TXNDC15: variants seen among roughly 807,000 people sequenced by gnomAD.
TXNDC15 encodes thioredoxin domain-containing protein 15.
Under a neutral mutation model 35.0 loss-of-function variants are expected in TXNDC15, and 24 were observed. The ratio of observed to expected loss-of-function variants is 0.68; its 90% CI spans 0.50 to 0.96. TXNDC15 has a LOEUF of 0.96. Ranked by LOEUF, TXNDC15 falls within the 40% of genes least tolerant of loss-of-function variation. The pLI, the probability that TXNDC15 is intolerant of heterozygous loss-of-function variation, is 0.00. For synonymous variants in TXNDC15, 169 were observed against 174.0 expected, an observed-to-expected ratio of 0.97 and a Z score of 0.23; for missense variants, 385 against 453.3, an observed-to-expected ratio of 0.85 and a Z score of 1.37.
At chr5:134,875,288 A>G (rs1750010611) in intron 1 of TXNDC15, 1 of 456,162 alleles carries the variant, frequency 2.2e-6, no homozygotes, top group Non-Finnish European at 4.4e-6. Context: ...GTTAAAGTCC[A>G]GACCCTCGGT....
At position 134,874,512 on chromosome 5, in the gene TXNDC15, C is replaced by G. The variant is rs142616682; in HGVS notation, c.85C>G (p.Pro29Ala). The G allele has an allele frequency of 2.3e-4, 361 of 1,601,902 alleles. 1 individual carries two copies. In the African/African-American group the frequency reaches 4.4e-3, roughly 19 times the overall value. The change falls in exon 1 of 5, where the codon CCC becomes GCC. Residue 29 changes from proline to alanine, a missense_variant. Transcript: ENST00000358387. Reference sequence around the variant, plus strand: ...AGTATTGCTGTGGGTGCTGGGACTTCCCGTCCGCGGCGTGGAGGGTGAGTG... The same window carrying G: ...AGTATTGCTGTGGGTGCTGGGACTTGCCGTCCGCGGCGTGGAGGGTGAGTG... ...WQVLLWVLGLPVRGVEVAEES... is the reference protein window; with the variant it reads ...WQVLLWVLGLAVRGVEVAEES...
At chr5:134,898,014 A>AAAAAG (rs1750528724) in intron 4 of TXNDC15, among the ~76,000 whole-genome samples, 1 of 152,100 alleles carries the variant, frequency 6.6e-6, no homozygotes, top group Admixed American at 6.5e-5. Flanking sequence ...GTCTCAAAAA[A>AAAAAG]AAAAGAAAAA....
At chr5:134,888,203 G>A in intron 2 of TXNDC15, 21 bp downstream of exon 2, 1 of 1,572,548 alleles carries the variant, frequency 6.4e-7, no homozygotes, top group African/African-American at 1.4e-5. Context: ...ATTATTTAGT[G>A]CTTTTCTCCT....
chr5:134,898,611 G>C (rs1230674852), intron 4 of TXNDC15, among the ~76,000 whole-genome samples: 1 of 152,208 alleles, frequency 6.6e-6, no homozygotes, highest in East Asian at 1.9e-4. Context: ...GCTAGTCCAA[G>C]TCTTGTCATG....
At chr5:134,889,046 G>A (rs1386711811) in intron 2 of TXNDC15, among the ~76,000 whole-genome samples, 2 of 152,204 alleles carry the variant, frequency 1.3e-5, no homozygotes, top group Non-Finnish European at 2.9e-5. Context: ...TGAGGGCACA[G>A]CACCTGTAGT....
In TXNDC15 at chr5:134,882,733, G is replaced by A. The variant is rs572781868; in HGVS notation, c.104-4962G>A. 2.6e-3 allele frequency among the ~76,000 whole-genome samples: 394 copies of A among 152,144 alleles called. 1 individual carries two copies. Among genetic ancestry groups the A allele is most frequent in the African/African-American group, 7.7e-3 (320 of 41,558 alleles). ...CGCGCGCCTGCAATCGCAGGCACTCGGCAGGCTGAGGCAGGAGAATCAGGC... is the reference window on the plus strand; with the variant it reads ...CGCGCGCCTGCAATCGCAGGCACTCAGCAGGCTGAGGCAGGAGAATCAGGC... On this transcript the variant is annotated intron_variant, in intron 1 of 4. Coordinates refer to ENST00000358387, the MANE Select transcript of TXNDC15 (RefSeq NM_024715.4).
chr5:134,874,410 T>TG lies in TXNDC15; in HGVS notation c.-17dup. ...ACGACTCGCGTAGCCGTGCGCCGAT[T>TG]GCCTCTCGGCCTGGGCAATGGTCCC... On this transcript the variant is annotated 5_prime_UTR_variant, in exon 1 of 5. Transcript: ENST00000358387. 1 of 1,584,646 alleles carries TG rather than the reference T, an allele frequency of 6.3e-7. No homozygotes were observed. The highest frequency in any genetic ancestry group is 1.7e-5 in the Admixed American group (1 of 58,412).
intron 2 of TXNDC15, among the ~76,000 whole-genome samples, chr5:134,891,493 A>C (rs1422804988): frequency 1.3e-5 from 2 of 152,218 alleles, no homozygotes; most frequent in Non-Finnish European, 2.9e-5. Context: ...AGGTCTCAAC[A>C]GTGGGCCTAA....
intron 1 of TXNDC15, among the ~76,000 whole-genome samples, chr5:134,883,333 G>A (rs1342371872): frequency 6.6e-6 from 1 of 152,188 alleles, no homozygotes; most frequent in East Asian, 1.9e-4. Flanking sequence ...GCTGAGGCAG[G>A]AGAATTCCTT....
At chr5:134,889,568 T>C (rs757899274) in intron 2 of TXNDC15, among the ~76,000 whole-genome samples, 2 of 152,158 alleles carry the variant, frequency 1.3e-5, no homozygotes, top group Admixed American at 6.5e-5. Context: ...GCCAAACATA[T>C]CGATATGACT....
intron 3 of TXNDC15, among the ~76,000 whole-genome samples, chr5:134,894,417 G>A (rs1053189182): frequency 4.0e-5 from 6 of 149,482 alleles, no homozygotes; most frequent in African/African-American, 1.5e-4. Context: ...ACCCAGGCTG[G>A]AGTGCAATGG....
chr5:134,875,253 C>T (rs375143406), intron 1 of TXNDC15: 24 of 456,164 alleles, frequency 5.3e-5, no homozygotes, highest in African/African-American at 4.2e-4. Flanking sequence ...CTTTCATGCT[C>T]CTTCACCCCA....
intron 2 of TXNDC15, chr5:134,893,221 A>G: frequency 3.0e-6 from 1 of 335,208 alleles, no homozygotes; most frequent in Non-Finnish European, 5.4e-6. Flanking sequence ...TTGTAATATT[A>G]GGAAAGCGCA....
intron 1 of TXNDC15, chr5:134,875,335 GTCTT>G (rs1561895255): frequency 2.2e-6 from 1 of 456,282 alleles, no homozygotes; most frequent in Non-Finnish European, 4.4e-6. Context: ...GAATAGGCAG[GTCTT>G]TCTTTTCCCT....
At position 134,893,654 on chromosome 5, in the gene TXNDC15, A is replaced by G; in HGVS notation, c.754A>G (p.Ser252Gly). The change falls in exon 3 of 5, where the codon AGC (serine) becomes GGC (glycine). Residue 252 changes from serine to glycine, a missense_variant and splice_region_variant. By Grantham distance (56) the Ser-to-Gly change is moderately conservative. Coordinates refer to ENST00000358387, the MANE Select transcript of TXNDC15 (RefSeq NM_024715.4). ...FLALDASQHSSLSTRFGTVAV... is the reference protein window; with the variant it reads ...FLALDASQHSGLSTRFGTVAV... The stretch of plus-strand genomic sequence containing the variant: ...GGCACTGGATGCATCTCAGCACAGC[A>G]GGTATCTTCCATTGGTGGGGTTTAC... 2 of 1,614,124 alleles carry G rather than the reference A, an allele frequency of 1.2e-6. No homozygotes were observed. The highest frequency in any genetic ancestry group is 1.7e-6 in the Non-Finnish European group (2 of 1,180,024).
chr5:134,898,621 G>A (rs533201530), intron 4 of TXNDC15, among the ~76,000 whole-genome samples: 3 of 152,288 alleles, frequency 2.0e-5, no homozygotes, highest in African/African-American at 7.2e-5. Context: ...GTCTTGTCAT[G>A]GATCCCTGAT....
chr5:134,874,401 T>A lies in TXNDC15; in HGVS notation c.-27T>A, dbSNP rs746541609. On this transcript the variant is annotated 5_prime_UTR_variant, in exon 1 of 5. Transcript: ENST00000358387. ...GCTGGCAGCACGACTCGCGTAGCCG[T>A]GCGCCGATTGCCTCTCGGCCTGGGC... 4 of 1,570,464 alleles carry A rather than the reference T, an allele frequency of 2.5e-6. No individual in the cohort carries two copies. Among genetic ancestry groups the A allele is most frequent in the Non-Finnish European group, 3.4e-6 (4 of 1,163,038 alleles).
chr5:134,899,566 G>C lies in TXNDC15; in HGVS notation c.964G>C (p.Val322Leu), dbSNP rs530682618. The change falls in exon 5 of 5, where the codon GTG (valine) becomes CTG (leucine). Residue 322 changes from valine (V) to leucine (L), a missense_variant. Physicochemically the swap from Val to Leu is conservative, Grantham distance 32. Coordinates refer to ENST00000358387, the MANE Select transcript of TXNDC15 (RefSeq NM_024715.4). ...GPLPSTLIKS[V>L]DWLLVFSLFF... is the part of the protein sequence containing the mutation. Reference sequence around the variant, plus strand: ...TCTTCCCAGCACTTTGATAAAAAGTGTGGACTGGTTGCTTGTATTTTCCTT... The same window carrying C: ...TCTTCCCAGCACTTTGATAAAAAGTCTGGACTGGTTGCTTGTATTTTCCTT... The C allele has an allele frequency of 1.9e-6, 3 of 1,614,034 alleles. No homozygotes were observed. In the East Asian group the frequency reaches 6.7e-5, roughly 36 times the overall value.
At chr5:134,874,097 A>C (rs1476862033), upstream of TXNDC15, 1 of 237,436 alleles carries the variant, frequency 4.2e-6, no homozygotes, top group Non-Finnish European at 8.1e-6. Context: ...AGGCGGGCGC[A>C]GTGCTTCAAG....
Sources: gnomAD v4.1 joint callset for allele counts (sites outside exome capture counted in the v4.1 genomes callset) on GRCh38, gnomAD v4.1.1 for gene constraint, MANE v1.5 for transcripts, NCBI Gene and HGNC (gene_info 2026-07-23, HGNC 2026-07-21) for gene names.